The following EBF3 variants were observed in gnomAD, a reference collection of about 807,000 sequenced individuals.
The protein encoded by EBF3 is EBF transcription factor 3.
Under a neutral mutation model 77.1 loss-of-function variants are expected in EBF3, and 18 were observed. The ratio of observed to expected loss-of-function variants is 0.23; its 90% CI spans 0.16 to 0.35. The LOEUF (loss-of-function observed/expected upper bound fraction) is 0.35, where lower values mean the gene tolerates loss of function less well. EBF3 is among the 10% of genes least tolerant of loss of function. EBF3 has a pLI of 1.00. For missense variants in EBF3, 558 were observed against 860.0 expected, an observed-to-expected ratio of 0.65 and a Z score of 4.39; for synonymous variants, 350 against 343.5, an observed-to-expected ratio of 1.02 and a Z score of -0.21.
intron 6 of EBF3, among the ~76,000 whole-genome samples, chr10:129,903,608 G>A (rs1050796611): frequency 6.6e-6 from 1 of 152,210 alleles, no homozygotes; most frequent in Non-Finnish European, 1.5e-5. Context: ...ACAAATATTT[G>A]TTGAGACATT....
rs1849988181 is a variant in EBF3, at chr10:129,840,882, C to G, written c.1523G>C (p.Gly508Ala). The G allele has an allele frequency of 6.2e-7, 1 of 1,613,870 alleles. No homozygotes were observed. Among genetic ancestry groups the G allele is most frequent in the Non-Finnish European group, 8.5e-7 (1 of 1,179,882 alleles). ...MASLGVPGSPGFLNGSSANSP... is the reference protein window; with the variant it reads ...MASLGVPGSPAFLNGSSANSP... Reference sequence around the variant, plus strand: ...GTTAGCGGAGGAGCCATTAAGAAATCCAGGCGAGCCAGGGACCCCTAGACT... The same window carrying G: ...GTTAGCGGAGGAGCCATTAAGAAATGCAGGCGAGCCAGGGACCCCTAGACT... Residue 508 changes from glycine to alanine, a missense_variant, in exon 14 of 17, where the codon GGA (glycine) becomes GCA (alanine). Physicochemically the swap from Gly to Ala is moderately conservative, Grantham distance 60. Coordinates refer to ENST00000440978, the MANE Select transcript of EBF3 (RefSeq NM_001375380.1).
At chr10:129,949,791 C>A (rs530324982) in intron 6 of EBF3, among the ~76,000 whole-genome samples, 1 of 152,092 alleles carries the variant, frequency 6.6e-6, no homozygotes, top group East Asian at 1.9e-4. Flanking sequence ...CAGTTCCTTA[C>A]CAAACCATTG....
At chr10:129,914,043 C>T (rs74162526) in intron 6 of EBF3, among the ~76,000 whole-genome samples, 51 of 152,316 alleles carry the variant, frequency 3.3e-4, no homozygotes, top group African/African-American at 1.2e-3. Flanking sequence ...ATTCACAAAA[C>T]CCACTCATGC....
At chr10:129,945,200 G>A (rs1858110225) in intron 6 of EBF3, among the ~76,000 whole-genome samples, 2 of 141,652 alleles carry the variant, frequency 1.4e-5, no homozygotes, top group African/African-American at 2.7e-5. Context: ...GAGGCCTGGG[G>A]GGATCTGGAG....
intron 6 of EBF3, among the ~76,000 whole-genome samples, chr10:129,933,643 C>A (rs758954034): frequency 6.6e-6 from 1 of 152,228 alleles, no homozygotes; most frequent in African/African-American, 2.4e-5. Flanking sequence ...GAGGCACAAG[C>A]GTGGCTGAAT....
rs149839797 is a variant in EBF3 at position 129,924,551 on chromosome 10, A to T, written c.554+32707T>A. 2.0e-5 allele frequency among the ~76,000 whole-genome samples: 3 copies of T among 152,348 alleles called. No homozygotes were observed. In the East Asian group the frequency reaches 5.8e-4, roughly 29 times the overall value. ...GAGAAACAGTGCGGGCCCTGTGGAA[A>T]ATAGTATGGCAGCTCCTGAAATAAT... On this transcript the variant is annotated intron_variant, in intron 6 of 16. Transcript: ENST00000440978.
chr10:129,950,861 G>A (rs1013993378), intron 6 of EBF3, among the ~76,000 whole-genome samples: 1 of 152,160 alleles, frequency 6.6e-6, no homozygotes, highest in Non-Finnish European at 1.5e-5. Flanking sequence ...TCCAAGTGTA[G>A]GCTGCAGAAG....
At chr10:129,858,775 AG>A (rs1389491781) in intron 10 of EBF3, among the ~76,000 whole-genome samples, 2 of 152,212 alleles carry the variant, frequency 1.3e-5, no homozygotes, top group Non-Finnish European at 2.9e-5. Flanking sequence ...CAGAGGCTCC[AG>A]GGCTCACTGT....
intron 7 of EBF3, among the ~76,000 whole-genome samples, chr10:129,876,669 C>T (rs1299996784): frequency 6.6e-6 from 1 of 152,218 alleles, no homozygotes; most frequent in Non-Finnish European, 1.5e-5. Context: ...TCATTCTGCT[C>T]TTGGGTCATT....
rs1002090839 is a variant in EBF3 at position 129,897,611 on chromosome 10, C to T, written c.555-19762G>A. Among the ~76,000 whole-genome samples, 11 of 152,098 alleles carry T rather than the reference C, an allele frequency of 7.2e-5. No homozygotes were observed. The highest frequency in any genetic ancestry group is 1.9e-4 in the African/African-American group (8 of 41,418). On this transcript the variant is annotated intron_variant, in intron 6 of 16. Transcript: ENST00000440978. This position sits in a 1 kb window ranked among gnomAD's most constrained non-coding sequence, Gnocchi z 4.6. The stretch of plus-strand genomic sequence containing the variant: ...CGAAGCCCGGGAAGGTTCTCGAGGG[C>T]GCCCATTGTCTCCGAGCCTGCCCAC...
intron 6 of EBF3, among the ~76,000 whole-genome samples, chr10:129,950,647 A>G (rs923844058): frequency 6.6e-6 from 1 of 152,230 alleles, no homozygotes; most frequent in African/African-American, 2.4e-5. Context: ...CAACAACAAA[A>G]AAAAACCCCT....
Position 129,957,332 on chromosome 10 carries a change from G to A in EBF3, c.486-6C>T. On this transcript the variant is annotated splice_region_variant and splice_polypyrimidine_tract_variant and intron_variant, in intron 5 of 16. Coordinates refer to ENST00000440978, the MANE Select transcript of EBF3 (RefSeq NM_001375380.1). ...TTTTCTTGTCACAGCACCGGCTGTGGAGCAATTGTAAACAGTGGTTTTAAT... is the reference window on the plus strand; with the variant it reads ...TTTTCTTGTCACAGCACCGGCTGTGAAGCAATTGTAAACAGTGGTTTTAAT... 1 of 1,607,012 alleles carries A rather than the reference G, an allele frequency of 6.2e-7. No homozygotes were observed. The highest frequency in any genetic ancestry group is 8.5e-7 in the Non-Finnish European group (1 of 1,175,494).
At chr10:129,962,497 C>T (rs543556911) in intron 3 of EBF3, among the ~76,000 whole-genome samples, 2 of 151,600 alleles carry the variant, frequency 1.3e-5, no homozygotes, top group Non-Finnish European at 2.9e-5. Flanking sequence ...TAGCTGTGTG[C>T]GGTGGGCCCA....
At position 129,938,706 on chromosome 10, in the gene EBF3, G is replaced by A. The variant is rs55837152; in HGVS notation, c.554+18552C>T. 6.6e-6 allele frequency among the ~76,000 whole-genome samples: 1 copy of A among 152,348 alleles called. No individual in the cohort carries two copies. The highest frequency in any genetic ancestry group is 1.5e-5 in the Non-Finnish European group (1 of 68,044). On this transcript the variant is annotated intron_variant, in intron 6 of 16. Coordinates refer to ENST00000440978, the MANE Select transcript of EBF3 (RefSeq NM_001375380.1). The surrounding 1 kb of genome is among the most constrained non-coding windows in gnomAD (Gnocchi z 5.1). ...AGAAAGGTGCGGCTGCAACCGACGA[G>A]CACTGCCTTGTGTCCTGGGACCTGG...
rs1850130887 is a variant in EBF3 at position 129,842,344 on chromosome 10, C to G, written c.1195-51G>C. ...GCCTGTCACCCCAGGCCCGGCCCAG[C>G]TGGCCGCACTCTCGGGGGCCCACCA... On this transcript the variant is annotated intron_variant, in intron 12 of 16. Transcript: ENST00000440978. This position sits in a 1 kb window ranked among gnomAD's most constrained non-coding sequence, Gnocchi z 4.4. 6.5e-7 allele frequency: 1 copy of G among 1,530,304 alleles called. No homozygotes were observed. Among genetic ancestry groups the G allele is most frequent in the African/African-American group, 1.4e-5 (1 of 72,044 alleles). 94.8% of individuals were successfully genotyped at this position (1,530,304 alleles called of 1,614,324 possible).
rs1056186106 is a variant in EBF3, at chr10:129,923,852, G to A, written c.554+33406C>T. 6.6e-5 allele frequency among the ~76,000 whole-genome samples: 10 copies of A among 152,292 alleles called. No individual in the cohort carries two copies. The East Asian group carries it at 1.3e-3, about 21-fold the overall frequency. On this transcript the variant is annotated intron_variant, in intron 6 of 16. Coordinates refer to ENST00000440978, the MANE Select transcript of EBF3 (RefSeq NM_001375380.1). ...AAGATTCCATCAACCAAGTGAAATG[G>A]CAAGTCACAGAATGGAATAAACTAC...
Position 129,928,398 on chromosome 10 carries a change from T to C in EBF3, c.554+28860A>G, listed in dbSNP as rs1002648024. Among the ~76,000 whole-genome samples, 8 of 152,192 alleles carry C rather than the reference T, an allele frequency of 5.3e-5. No individual in the cohort carries two copies. In the East Asian group the frequency reaches 1.5e-3, roughly 29 times the overall value. On this transcript the variant is annotated intron_variant, in intron 6 of 16. Coordinates refer to ENST00000440978, the MANE Select transcript of EBF3 (RefSeq NM_001375380.1). ...AAACTGGGATCATCCAGTACACACA[T>C]TTTTATATCATTTTTGCCTAATTTT... is the stretch of plus-strand genomic sequence containing the variant.
Position 129,944,304 on chromosome 10 carries a change from GA to G in EBF3, c.554+12953del, listed in dbSNP as rs1205180055. Among the ~76,000 whole-genome samples the G allele has an allele frequency of 3.9e-5, 6 of 152,178 alleles. No individual in the cohort carries two copies. The highest frequency in any genetic ancestry group is 4.4e-5 in the Non-Finnish European group (3 of 68,042). On this transcript the variant is annotated intron_variant, in intron 6 of 16. Transcript: ENST00000440978. The surrounding 1 kb of genome is among the most constrained non-coding windows in gnomAD (Gnocchi z 5.1). Reference sequence around the variant, plus strand: ...GGAACACCAGAGTGCACTGCCTTCAGAATATTGGCTTGGTGGCTGGACATGC... The same window carrying G: ...GGAACACCAGAGTGCACTGCCTTCAGATATTGGCTTGGTGGCTGGACATGC...
intron 6 of EBF3, among the ~76,000 whole-genome samples, chr10:129,895,542 C>A (rs1396704798): frequency 6.6e-6 from 1 of 152,168 alleles, no homozygotes; most frequent in Non-Finnish European, 1.5e-5. Context: ...ACAGAAAAAC[C>A]CAATGAGTAT....
Sources: allele counts gnomAD v4.1 joint callset (sites outside exome capture counted in the v4.1 genomes callset), GRCh38; gene constraint gnomAD v4.1.1; non-coding constraint Gnocchi (gnomAD v3.1); transcripts MANE v1.5; gene names NCBI Gene and HGNC (gene_info 2026-07-23, HGNC 2026-07-21).